The following TAS2R1 variants were observed in gnomAD, a reference collection of about 807,000 sequenced individuals.
TAS2R1 encodes taste 2 receptor member 1.
For synonymous variants in TAS2R1, 141 were observed against 134.2 expected (o/e 1.05, Z -0.35); for missense variants, 370 against 353.4 (o/e 1.05, Z -0.38).
the TAS2R1 span, among the ~76,000 whole-genome samples, chr5:9,739,402 G>T: frequency 2.6e-5 from 4 of 152,166 alleles, no homozygotes; most frequent in African/African-American, 9.7e-5. Flanking sequence ...TATGTGTTGG[G>T]CAGTGAGAAA....
At chr5:9,728,465 C>G in the TAS2R1 span, among the ~76,000 whole-genome samples, 4 of 152,182 alleles carry the variant, frequency 2.6e-5, no homozygotes, top group Non-Finnish European at 4.4e-5. Flanking sequence ...CAGACCGCCA[C>G]CATGTAACTT....
the TAS2R1 span, among the ~76,000 whole-genome samples, chr5:9,831,917 T>C: frequency 3.5e-4 from 54 of 152,322 alleles, no homozygotes; most frequent in South Asian, 4.1e-4. Flanking sequence ...GTTGGGAAAT[T>C]CTTAGAGATA....
At chr5:9,882,871 A>C in the TAS2R1 span, among the ~76,000 whole-genome samples, 30 of 152,350 alleles carry the variant, frequency 2.0e-4, no homozygotes, top group East Asian at 5.8e-3. Flanking sequence ...TTTAATTATT[A>C]TTCTCAAAGG....
chr5:9,729,004 A>T, the TAS2R1 span, among the ~76,000 whole-genome samples: 1 of 152,210 alleles, frequency 6.6e-6, no homozygotes, highest in East Asian at 1.9e-4. Flanking sequence ...TCAGAGAGAA[A>T]GAGCAGGCAG....
chr5:9,725,712 A>C, the TAS2R1 span, among the ~76,000 whole-genome samples: 5 of 141,768 alleles, frequency 3.5e-5, no homozygotes, highest in African/African-American at 1.6e-4. Context: ...TGAGGAGTGC[A>C]GGCACACGGC....
At chr5:9,653,513 CTTT>C (rs1329602872) in intron 2 of TAS2R1, among the ~76,000 whole-genome samples, 1 of 152,108 alleles carries the variant, frequency 6.6e-6, no homozygotes, top group African/African-American at 2.4e-5. Flanking sequence ...TATTGTCAGG[CTTT>C]TTGAGTGCAA....
chr5:9,899,176 G>T, the TAS2R1 span, among the ~76,000 whole-genome samples: 43 of 152,268 alleles, frequency 2.8e-4, no homozygotes, highest in African/African-American at 9.4e-4. Context: ...TGAGCTTAAG[G>T]ATGGAGTCGG....
the TAS2R1 span, among the ~76,000 whole-genome samples, chr5:9,735,314 T>C: frequency 1.3e-5 from 2 of 151,436 alleles, no homozygotes. Flanking sequence ...TGAGCCAAAA[T>C]AATGCTTGTT....
chr5:9,660,237 T>A (rs1251026786), intron 1 of TAS2R1, among the ~76,000 whole-genome samples: 1 of 142,516 alleles, frequency 7.0e-6, no homozygotes, highest in African/African-American at 2.6e-5. Context: ...TTTTTTTTTT[T>A]TTTTTTTTTT....
chr5:9,880,414 C>G, the TAS2R1 span, among the ~76,000 whole-genome samples: 12 of 152,276 alleles, frequency 7.9e-5, no homozygotes, highest in Admixed American at 7.8e-4. Flanking sequence ...AGATGAAAAC[C>G]TAAGTACAGT....
At chr5:9,736,210 C>T in the TAS2R1 span, among the ~76,000 whole-genome samples, 1 of 152,220 alleles carries the variant, frequency 6.6e-6, no homozygotes, top group Non-Finnish European at 1.5e-5. Flanking sequence ...TCCTCACTTC[C>T]CATGGCAAAG....
the TAS2R1 span, among the ~76,000 whole-genome samples, chr5:9,783,475 C>G: frequency 6.6e-6 from 1 of 152,182 alleles, no homozygotes; most frequent in Admixed American, 6.5e-5. Flanking sequence ...GTGCTGGGCC[C>G]TGGGAGCTGG....
chr5:9,884,950 A>C, the TAS2R1 span, among the ~76,000 whole-genome samples: 2 of 152,252 alleles, frequency 1.3e-5, no homozygotes, highest in Non-Finnish European at 2.9e-5. Flanking sequence ...TCTTAAATTA[A>C]TATTTCAGCA....
the TAS2R1 span, among the ~76,000 whole-genome samples, chr5:9,797,322 T>C: frequency 2.0e-5 from 3 of 152,100 alleles, no homozygotes; most frequent in Admixed American, 1.3e-4. Context: ...CCCAACAACA[T>C]AGAATTCAAT....
chr5:9,822,923 G>A, the TAS2R1 span, among the ~76,000 whole-genome samples: 8 of 151,350 alleles, frequency 5.3e-5, no homozygotes, highest in Non-Finnish European at 1.0e-4. Context: ...AACGTTGCAA[G>A]GGTAGACACT....
upstream of TAS2R1, among the ~76,000 whole-genome samples, chr5:9,631,119 T>A (rs1204216248): frequency 6.6e-6 from 1 of 152,148 alleles, no homozygotes; most frequent in African/African-American, 2.4e-5. Context: ...CATTGCCAAA[T>A]GTTCAAGAGT....
At chr5:9,728,460 C>T in the TAS2R1 span, among the ~76,000 whole-genome samples, 15 of 152,134 alleles carry the variant, frequency 9.9e-5, no homozygotes, top group East Asian at 3.9e-4. Flanking sequence ...GTTGGCAGAC[C>T]GCCACCATGT....
chr5:9,731,891 A>G, the TAS2R1 span, among the ~76,000 whole-genome samples: 2 of 152,238 alleles, frequency 1.3e-5, no homozygotes, highest in Non-Finnish European at 2.9e-5. Context: ...ACATGTAGCC[A>G]GCACTTTCTT....
At chr5:9,651,971 A>G (rs1448904011) in intron 2 of TAS2R1, among the ~76,000 whole-genome samples, 2 of 152,202 alleles carry the variant, frequency 1.3e-5, no homozygotes, top group East Asian at 1.9e-4. Context: ...GATTTTTGTC[A>G]TGACTGTCAC....
Sources: gnomAD v4.1 joint callset for allele counts (sites outside exome capture counted in the v4.1 genomes callset) on GRCh38, gnomAD v4.1.1 for gene constraint, MANE v1.5 for transcripts, NCBI Gene and HGNC (gene_info 2026-07-23, HGNC 2026-07-21) for gene names.